The following PVT1 variants were observed in gnomAD, a reference collection of about 807,000 sequenced individuals.
PVT1 encodes Pvt1 oncogene.
chr8:127,904,306 A>T (rs1023187198), intron 3 of PVT1, among the ~76,000 whole-genome samples: 22 of 143,398 alleles, frequency 1.5e-4, no homozygotes, highest in African/African-American at 5.7e-4. Context: ...ATTATTGGGT[A>T]CTAAGGATTT....
chr8:127,834,679 A>G (rs945523401), intron 2 of PVT1, among the ~76,000 whole-genome samples: 1 of 152,182 alleles, frequency 6.6e-6, no homozygotes, highest in Admixed American at 6.5e-5. Context: ...CATCTGACCA[A>G]TGGCTAATAT....
chr8:127,868,702 G>A (rs1815311672), intron 2 of PVT1, among the ~76,000 whole-genome samples: 1 of 115,848 alleles, frequency 8.6e-6, no homozygotes, highest in South Asian at 3.0e-4. Flanking sequence ...ACTGCACCTG[G>A]CCCACAGGTT....
intron 3 of PVT1, among the ~76,000 whole-genome samples, chr8:127,968,806 T>C (rs926537020): frequency 2.0e-5 from 3 of 152,062 alleles, no homozygotes; most frequent in Non-Finnish European, 4.4e-5. Context: ...GACACGTGGA[T>C]ACAGACACAC....
chr8:127,912,971 TACAGGCG>T, intron 3 of PVT1, among the ~76,000 whole-genome samples: 1 of 152,254 alleles, frequency 6.6e-6, no homozygotes, highest in Non-Finnish European at 1.5e-5. Flanking sequence ...GTGTTGGGAT[TACAGGCG>T]TGAGCCACGC....
intron 4 of PVT1, among the ~76,000 whole-genome samples, chr8:128,037,024 CA>C (rs1428803681): frequency 6.6e-6 from 1 of 152,194 alleles, no homozygotes; most frequent in Non-Finnish European, 1.5e-5. Flanking sequence ...AGATTCTCAC[CA>C]AATAGCTGCC....
chr8:127,883,018 TGCCTGCACACACAC>T (rs1342632859), intron 2 of PVT1, among the ~76,000 whole-genome samples: 1 of 151,018 alleles, frequency 6.6e-6, no homozygotes, highest in Non-Finnish European at 1.5e-5. Flanking sequence ...CGCACACACA[TGCCTGCACACACAC>T]ACTTGCACGC....
chr8:127,811,209 A>AAGAT (rs1322765702), intron 2 of PVT1, among the ~76,000 whole-genome samples: 1 of 152,194 alleles, frequency 6.6e-6, no homozygotes, highest in African/African-American at 2.4e-5. Flanking sequence ...CTCATGCCAA[A>AAGAT]AGATAGACCC....
chr8:127,950,750 G>A (rs1816496544), intron 3 of PVT1, among the ~76,000 whole-genome samples: 1 of 152,184 alleles, frequency 6.6e-6, no homozygotes, highest in Non-Finnish European at 1.5e-5. Flanking sequence ...CAAGATTCAG[G>A]TGCTCACAAG....
chr8:127,808,173 G>A (rs1014503620), intron 2 of PVT1, among the ~76,000 whole-genome samples: 4 of 152,000 alleles, frequency 2.6e-5, no homozygotes, highest in African/African-American at 7.3e-5. Context: ...TCAGCCTCCC[G>A]AGTATTTGGG....
chr8:127,904,262 G>T (rs1456626008), intron 3 of PVT1, among the ~76,000 whole-genome samples: 2 of 151,380 alleles, frequency 1.3e-5, no homozygotes, highest in Non-Finnish European at 2.9e-5. Context: ...GTGAGAGTGG[G>T]GGTCTTACTG....
At chr8:127,965,657 G>A (rs991420595) in intron 3 of PVT1, among the ~76,000 whole-genome samples, 28 of 152,242 alleles carry the variant, frequency 1.8e-4, no homozygotes, top group African/African-American at 6.5e-4. Context: ...TTCAGATGCA[G>A]TAGAGTTATT....
intron 5 of PVT1, among the ~76,000 whole-genome samples, chr8:128,095,078 A>C (rs991687590): frequency 2.6e-5 from 4 of 152,192 alleles, no homozygotes; most frequent in Non-Finnish European, 4.4e-5. Context: ...CTGCTGTTGC[A>C]TAGGAGATTG....
At chr8:128,095,412 G>A (rs553383533) in intron 5 of PVT1, among the ~76,000 whole-genome samples, 1 of 152,246 alleles carries the variant, frequency 6.6e-6, no homozygotes, top group Admixed American at 6.5e-5. Flanking sequence ...TGAGCACTCG[G>A]CAAATACCTG....
chr8:127,892,902 C>T (rs1376802275), intron 3 of PVT1, among the ~76,000 whole-genome samples: 1 of 152,176 alleles, frequency 6.6e-6, no homozygotes, highest in Non-Finnish European at 1.5e-5. Context: ...CTCTCTCACC[C>T]CTTCCTGCCC....
At chr8:127,904,413 C>T (rs999307839) in intron 3 of PVT1, among the ~76,000 whole-genome samples, 6 of 141,822 alleles carry the variant, frequency 4.2e-5, no homozygotes, top group African/African-American at 1.3e-4. Flanking sequence ...ACTTTCAGAC[C>T]CCTAAATGAT....
chr8:127,857,331 G>A (rs1815173120), intron 2 of PVT1, among the ~76,000 whole-genome samples: 1 of 152,008 alleles, frequency 6.6e-6, no homozygotes, highest in Non-Finnish European at 1.5e-5. Context: ...GGCTCTTGAT[G>A]ACTTGGTTAT....
At chr8:128,031,098 G>GT (rs1450760442) in intron 4 of PVT1, among the ~76,000 whole-genome samples, 2 of 152,228 alleles carry the variant, frequency 1.3e-5, no homozygotes, top group African/African-American at 4.8e-5. Flanking sequence ...TGTCACACTG[G>GT]GGTCGGCGCA....
chr8:127,933,559 G>A (rs1357754824), intron 3 of PVT1, among the ~76,000 whole-genome samples: 1 of 152,224 alleles, frequency 6.6e-6, no homozygotes, highest in Non-Finnish European at 1.5e-5. Context: ...CGTGAGATGT[G>A]TGCTGTGTAC....
At chr8:127,866,413 C>A (rs1815287129) in intron 2 of PVT1, among the ~76,000 whole-genome samples, 1 of 152,158 alleles carries the variant, frequency 6.6e-6, no homozygotes, top group South Asian at 2.1e-4. Context: ...TGAGCTGAGG[C>A]CCACTGCTGA....
Sources: allele counts gnomAD v4.1 joint callset (sites outside exome capture counted in the v4.1 genomes callset), GRCh38; gene constraint gnomAD v4.1.1; transcripts MANE v1.5; gene names NCBI Gene and HGNC (gene_info 2026-07-23, HGNC 2026-07-21).